The following DNAH11 variants were observed in gnomAD, a reference collection of about 807,000 sequenced individuals.
The protein encoded by DNAH11 is axonemal beta dynein heavy chain 11.
Under a neutral mutation model 526.0 loss-of-function variants are expected in DNAH11, and 442 were observed. The observed-to-expected ratio is 0.84, with a 90% CI of 0.78 to 0.91. The LOEUF (loss-of-function observed/expected upper bound fraction) is 0.91. Ranked by LOEUF, DNAH11 falls within the 40% of genes least tolerant of loss-of-function variation. DNAH11 has a pLI of 0.00. For missense variants in DNAH11, 6,989 were observed against 5,448.7 expected (o/e 1.28, Z -8.90); for synonymous variants, 2,461 against 1,935.9 (o/e 1.27, Z -7.12).
At chr7:21,804,264 A>G (rs1199781277) in intron 62 of DNAH11, among the ~76,000 whole-genome samples, 2 of 151,992 alleles carry the variant, frequency 1.3e-5, no homozygotes, top group South Asian at 4.2e-4. Flanking sequence ...GCCCGCCACC[A>G]CATCCGGCTA....
chr7:21,734,380 G>A (rs541443356), intron 45 of DNAH11, among the ~76,000 whole-genome samples: 61 of 152,316 alleles, frequency 4.0e-4, no homozygotes, highest in Admixed American at 1.2e-3. Context: ...AAAAGCAAAT[G>A]ATGACAACTA....
chr7:21,827,905 A>T (rs1274968061), intron 65 of DNAH11, among the ~76,000 whole-genome samples: 8 of 152,050 alleles, frequency 5.3e-5, no homozygotes, highest in Non-Finnish European at 1.2e-4. Flanking sequence ...ACACTGTAGT[A>T]GAATGTACTT....
intron 66 of DNAH11, chr7:21,851,415 G>C (rs527714829): frequency 3.0e-6 from 1 of 328,064 alleles, no homozygotes; most frequent in Non-Finnish European, 6.2e-6. Context: ...GTCCTTTATC[G>C]CACCTTGAGA....
chr7:21,619,988 C>T lies in DNAH11; in HGVS notation c.4410C>T (p.Thr1470=). Residue 1470 remains threonine (T), a synonymous_variant, in exon 25 of 82, where the codon ACC becomes ACT. Coordinates refer to ENST00000409508, the MANE Select transcript of DNAH11 (RefSeq NM_001277115.2). The stretch of plus-strand genomic sequence containing the variant: ...CTGAAATCAGTCAGACCTGGGCAAC[C>T]ATGAAGTTTTCTTACGAAGTTCACT... ...VITEISQTWA[T]MKFSYEVHYR... The T allele has an allele frequency of 6.2e-7, 1 of 1,605,678 alleles. No homozygotes were observed. Among genetic ancestry groups the T allele is most frequent in the East Asian group, 2.3e-5 (1 of 44,320 alleles).
rs190859156 is a variant in DNAH11 at position 21,711,858 on chromosome 7, T to A, written c.6981T>A (p.Asn2327Lys). 6 of 1,608,594 alleles carry A rather than the reference T, an allele frequency of 3.7e-6. No homozygotes were observed. The highest frequency in any genetic ancestry group is 5.1e-6 in the Non-Finnish European group (6 of 1,177,020). Residue 2327 changes from asparagine to lysine, a missense_variant and splice_region_variant, in exon 42 of 82, where the codon AAT becomes AAA. Asn to Lys is a moderately conservative substitution (Grantham distance 94). Transcript: ENST00000409508. ...TGAACCCACAAGATCTGGGCTGGAA[T>A]CCGTGAGTATTTCTTTTTGTTTTAT... ...LYVNPQDLGWNPYVASWIDRR... is the reference protein window; with the variant it reads ...LYVNPQDLGWKPYVASWIDRR...
chr7:21,751,330 CAAAAG>C (rs1786404659), intron 54 of DNAH11, among the ~76,000 whole-genome samples: 1 of 152,028 alleles, frequency 6.6e-6, no homozygotes, highest in African/African-American at 2.4e-5. Context: ...TCTCAAAAAA[CAAAAG>C]AAGTAATGCT....
chr7:21,706,972 C>T (rs6966598), intron 39 of DNAH11, among the ~76,000 whole-genome samples: 8,015 of 152,238 alleles, frequency 0.053, 541 homozygotes, highest in East Asian at 0.21. Context: ...TCCTCAATTA[C>T]CAGGATCAGG....
chr7:21,554,704 T>A (rs990145106), intron 2 of DNAH11, among the ~76,000 whole-genome samples: 1 of 152,136 alleles, frequency 6.6e-6, no homozygotes, highest in Non-Finnish European at 1.5e-5. Context: ...ACCCAGGGGA[T>A]GTTTTAGAAG....
At chr7:21,849,128 A>T (rs1782529773) in intron 66 of DNAH11, among the ~76,000 whole-genome samples, 1 of 152,076 alleles carries the variant, frequency 6.6e-6, no homozygotes, top group Non-Finnish European at 1.5e-5. Context: ...CAGGTGTTCC[A>T]CCTGCCTCGG....
At chr7:21,577,086 T>C (rs1784125041) in intron 8 of DNAH11, among the ~76,000 whole-genome samples, 1 of 152,232 alleles carries the variant, frequency 6.6e-6, no homozygotes, top group African/African-American at 2.4e-5. Flanking sequence ...TGGATTTTCC[T>C]GTTGCCTGAA....
chr7:21,620,965 C>A (rs563195302), intron 25 of DNAH11, among the ~76,000 whole-genome samples: 1 of 151,994 alleles, frequency 6.6e-6, no homozygotes, highest in Non-Finnish European at 1.5e-5. Context: ...AGTCTATCCT[C>A]GTTGGACATT....
chr7:21,592,209 A>T (rs73070437), intron 14 of DNAH11, among the ~76,000 whole-genome samples: 2 of 152,176 alleles, frequency 1.3e-5, no homozygotes, highest in African/African-American at 4.8e-5. Context: ...GAACAAATAG[A>T]TATGTCAGTT....
chr7:21,889,169 CCTT>C, intron 76 of DNAH11, among the ~76,000 whole-genome samples: 1 of 152,126 alleles, frequency 6.6e-6, no homozygotes. Flanking sequence ...CAATATGTAG[CCTT>C]CTTTCACTTG....
At chr7:21,898,492 T>C (rs973021500) in intron 79 of DNAH11, among the ~76,000 whole-genome samples, 2 of 152,186 alleles carry the variant, frequency 1.3e-5, no homozygotes, top group Non-Finnish European at 2.9e-5. Context: ...GCAGACAAGG[T>C]CCTAGAAAAC....
chr7:21,745,103 A>G (rs1273909793), intron 51 of DNAH11, 40 bp downstream of exon 51: 1 of 1,563,470 alleles, frequency 6.4e-7, no homozygotes, highest in Non-Finnish European at 8.7e-7. Context: ...CAAAAGGAAG[A>G]ATGGCTGGAT....
intron 42 of DNAH11, 44 bp downstream of exon 42, chr7:21,711,904 A>T: frequency 1.3e-6 from 2 of 1,556,888 alleles, no homozygotes; most frequent in South Asian, 2.4e-5. Context: ...TGTATGTAAC[A>T]TAACATTTAC....
chr7:21,574,246 C>T (rs961080683), intron 8 of DNAH11, among the ~76,000 whole-genome samples: 2 of 152,066 alleles, frequency 1.3e-5, no homozygotes, highest in Non-Finnish European at 1.5e-5. Context: ...GATGAAATCC[C>T]TCAGATACCT....
chr7:21,897,388 C>T (rs1784555136), intron 79 of DNAH11, among the ~76,000 whole-genome samples: 1 of 152,040 alleles, frequency 6.6e-6, no homozygotes, highest in Admixed American at 6.6e-5. Flanking sequence ...CCTTTGTAGC[C>T]ATCACTCTCC....
chr7:21,670,829 AAT>A (rs1401978890), intron 30 of DNAH11, among the ~76,000 whole-genome samples: 1 of 151,958 alleles, frequency 6.6e-6, no homozygotes, highest in Non-Finnish European at 1.5e-5. Flanking sequence ...ATTCCTGAAT[AAT>A]AAACAATTGG....
Sources: allele counts gnomAD v4.1 joint callset (sites outside exome capture counted in the v4.1 genomes callset), GRCh38; gene constraint gnomAD v4.1.1; transcripts MANE v1.5; gene names NCBI Gene and HGNC (gene_info 2026-07-23, HGNC 2026-07-21).